Variants in MED21 observed in about 807,000 individuals in gnomAD.
MED21 encodes mediator complex subunit 21.
MED21 carries 9 observed loss-of-function variants against 18.2 expected under a neutral mutation model. The observed-to-expected ratio is 0.49, with a 90% confidence interval of 0.30 to 0.86. The LOEUF is 0.86. Among genes scored for constraint, MED21 ranks in the 40% least tolerant of loss-of-function variants. The pLI is 0.07. For synonymous variants in MED21, 73 were observed against 60.5 expected, an observed-to-expected ratio of 1.21 and a Z score of -0.96; for missense variants, 150 against 170.9, an observed-to-expected ratio of 0.88 and a Z score of 0.68.
intron 1 of MED21, among the ~76,000 whole-genome samples, chr12:27,026,157 A>G (rs1014526500): frequency 3.9e-5 from 6 of 152,236 alleles, no homozygotes; most frequent in Non-Finnish European, 5.9e-5. Context: ...AAGAAAGATT[A>G]TTTTGTATTT....
chr12:27,026,169 A>T (rs186150106), intron 1 of MED21, among the ~76,000 whole-genome samples: 3 of 152,336 alleles, frequency 2.0e-5, no homozygotes, highest in Admixed American at 2.0e-4. Context: ...TTTGTATTTC[A>T]ACTGTTTCAA....
chr12:27,027,733 A>C (rs1941564270), intron 3 of MED21, among the ~76,000 whole-genome samples: 1 of 152,174 alleles, frequency 6.6e-6, no homozygotes, highest in African/African-American at 2.4e-5. Flanking sequence ...ACATGGCTGA[A>C]GGCAGAAGGG....
chr12:27,027,501 A>G, intron 3 of MED21, 54 bp downstream of exon 3: 1 of 1,345,776 alleles, frequency 7.4e-7, no homozygotes, highest in Non-Finnish European at 1.1e-6. Flanking sequence ...TTTGAATTAA[A>G]GGAGGTAGAT....
intron 1 of MED21, among the ~76,000 whole-genome samples, chr12:27,023,164 C>A (rs1941496035): frequency 5.9e-5 from 9 of 151,982 alleles, no homozygotes; most frequent in Admixed American, 5.9e-4. Context: ...TTAGCTCGTT[C>A]CTTTGGGCCC....
Position 27,028,669 on chromosome 12 carries a change from A to G in MED21, c.*208A>G. 1 of 1,224,228 alleles carries G rather than the reference A, an allele frequency of 8.2e-7. No homozygotes were observed. Among genetic ancestry groups the G allele is most frequent in the Non-Finnish European group, 1.0e-6 (1 of 977,620 alleles). The allele number at this position is 1,224,228 out of a possible 1,614,324, so 75.8% of individuals were successfully genotyped here. A position where few individuals can be genotyped will look rare whatever the true frequency, so the allele number is the denominator to read the frequency against. ...TGAATCAGCTTTAAAGCATCATACC[A>G]TCATTTTTTAACTGAGTGAAATTAT... On this transcript the variant is annotated 3_prime_UTR_variant, in exon 4 of 4. Transcript: ENST00000282892.
At chr12:27,031,004 C>G (rs750290849), downstream of MED21, among the ~76,000 whole-genome samples, 10 of 152,216 alleles carry the variant, frequency 6.6e-5, no homozygotes, top group Non-Finnish European at 1.5e-4. Flanking sequence ...GCTTCTCGGG[C>G]TTAAGTGATT....
rs1420468433 is a variant in MED21 at position 27,029,075 on chromosome 12, T to C, written c.*614T>C. ...ACCAAGAGATCCTCTGTCAAGAGAA[T>C]TTCCTGGCTGTTGTGAAAGAATTTT... On this transcript the variant is annotated 3_prime_UTR_variant, in exon 4 of 4. Transcript: ENST00000282892. The C allele has an allele frequency of 2.0e-6, 2 of 985,322 alleles. No homozygotes were observed. Among genetic ancestry groups the C allele is most frequent in the African/African-American group, 3.5e-5 (2 of 57,250 alleles). 61.0% of individuals were successfully genotyped at this position (985,322 alleles called of 1,614,324 possible).
rs138346674 is a variant in MED21, at chr12:27,029,304, G to C, written c.*843G>C. On this transcript the variant is annotated 3_prime_UTR_variant, in exon 4 of 4. Transcript: ENST00000282892. ...ACCAGAACATACTTCCACTACATCA[G>C]TTACTTGGCATCATTTCACCTCAGT... The C allele has an allele frequency of 1.0e-6, 1 of 985,160 alleles. No individual in the cohort carries two copies. The highest frequency in any genetic ancestry group is 1.2e-6 in the Non-Finnish European group (1 of 829,916). The allele number at this position is 985,160 out of a possible 1,614,324, so 61.0% of individuals were successfully genotyped here.
chr12:27,034,370 C>T (rs1057314915), downstream of MED21, among the ~76,000 whole-genome samples: 5 of 152,138 alleles, frequency 3.3e-5, no homozygotes, highest in African/African-American at 4.8e-5. Flanking sequence ...TGCAGTGAGC[C>T]GAGATCACGC....
downstream of MED21, among the ~76,000 whole-genome samples, chr12:27,032,389 C>G (rs1466527715): frequency 6.6e-6 from 1 of 152,122 alleles, no homozygotes; most frequent in Admixed American, 6.5e-5. Flanking sequence ...ATCATGGCTT[C>G]TACTTCAGAT....
At position 27,029,442 on chromosome 12, in the gene MED21, TGTG is replaced by T. The variant is rs1231049485; in HGVS notation, c.*984_*986del. On this transcript the variant is annotated 3_prime_UTR_variant, in exon 4 of 4. Coordinates refer to ENST00000282892, the MANE Select transcript of MED21 (RefSeq NM_004264.5). ...CTCCACTGGAAAGGTGGAATTGAAA[TGTG>T]GTCCACATTTTAACTAGCTATTTCC... 59 of 985,330 alleles carry T rather than the reference TGTG, an allele frequency of 6.0e-5. No individual in the cohort carries two copies. The highest frequency in any genetic ancestry group is 2.8e-4 in the South Asian group (6 of 21,296). The allele number at this position is 985,330 out of a possible 1,614,324, so 61.0% of individuals were successfully genotyped here.
downstream of MED21, among the ~76,000 whole-genome samples, chr12:27,034,600 C>T (rs181404929): frequency 2.2e-4 from 34 of 152,236 alleles, no homozygotes; most frequent in Non-Finnish European, 4.4e-4. Flanking sequence ...GCTTATTCCA[C>T]CAGCTAATTT....
chr12:27,036,621 T>C (rs2136498595), intron 2 of MED21, among the ~76,000 whole-genome samples: 1 of 152,240 alleles, frequency 6.6e-6, no homozygotes, highest in East Asian at 1.9e-4. Context: ...TTGTATAAGC[T>C]GTAAAGAAGG....
chr12:27,027,218 C>T (rs539095493), intron 2 of MED21, 129 bp from the exon 3 acceptor site: 12 of 568,254 alleles, frequency 2.1e-5, no homozygotes, highest in Admixed American at 8.6e-5. Flanking sequence ...TGAGCCACCA[C>T]GCCTGGCCGA....
Position 27,030,021 on chromosome 12 carries a change from G to A in MED21, c.*1560G>A, listed in dbSNP as rs1217522662. On this transcript the variant is annotated 3_prime_UTR_variant, in exon 4 of 4. Transcript: ENST00000282892. ...GAATAAAGAAGGCATAATGTATAGG[G>A]TAAATATAATAGACTTCTCTTGAGG... is the stretch of plus-strand genomic sequence containing the variant. The A allele has an allele frequency of 1.4e-5, 6 of 424,274 alleles. No individual in the cohort carries two copies. The East Asian group carries it at 2.1e-4, about 15-fold the overall frequency. The allele number at this position is 424,274 out of a possible 1,614,324, so 26.3% of individuals were successfully genotyped here.
In MED21 at chr12:27,028,554, C is replaced by A; in HGVS notation, c.*93C>A. On this transcript the variant is annotated 3_prime_UTR_variant, in exon 4 of 4. Coordinates refer to ENST00000282892, the MANE Select transcript of MED21 (RefSeq NM_004264.5). ...TAGATACAAGCCTTACCAACAATTA[C>A]AGAAACATTAAACACTATGACACAT... The A allele has an allele frequency of 6.8e-7, 1 of 1,474,968 alleles. No homozygotes were observed. Among genetic ancestry groups the A allele is most frequent in the Non-Finnish European group, 9.0e-7 (1 of 1,108,104 alleles). The allele number at this position is 1,474,968 out of a possible 1,614,324, so 91.4% of individuals were successfully genotyped here. A position where few individuals can be genotyped will look rare whatever the true frequency, so the allele number is the denominator to read the frequency against.
At chr12:27,036,290 G>GT (rs1284558015) in intron 2 of MED21, among the ~76,000 whole-genome samples, 1 of 152,018 alleles carries the variant, frequency 6.6e-6, no homozygotes, top group Non-Finnish European at 1.5e-5. Context: ...GGGTTGTTTG[G>GT]TTTTTTCTTG....
chr12:27,034,627 G>A (rs1441524413), downstream of MED21, among the ~76,000 whole-genome samples: 1 of 152,038 alleles, frequency 6.6e-6, no homozygotes, highest in Non-Finnish European at 1.5e-5. Context: ...TTTTAGTAGA[G>A]ATGGGGTTTT....
At chr12:27,036,945 C>T (rs1941653412) in intron 2 of MED21, among the ~76,000 whole-genome samples, 1 of 152,236 alleles carries the variant, frequency 6.6e-6, no homozygotes. Flanking sequence ...TCCATATGAA[C>T]TTTAAAGTAG....
Sources: gnomAD v4.1 joint callset for allele counts (sites outside exome capture counted in the v4.1 genomes callset) on GRCh38, gnomAD v4.1.1 for gene constraint, MANE v1.5 for transcripts, NCBI Gene and HGNC (gene_info 2026-07-23, HGNC 2026-07-21) for gene names.